CFAP20DC: variants seen among roughly 807,000 people sequenced by gnomAD.
CFAP20DC encodes protein CFAP20DC.
Under a neutral mutation model 101.7 loss-of-function variants are expected in CFAP20DC, and 84 were observed. That is an observed-to-expected ratio of 0.83 (90% CI 0.69 to 0.99). The LOEUF (loss-of-function observed/expected upper bound fraction) is 0.99. Among genes scored for constraint, CFAP20DC ranks in the 50% least tolerant of loss-of-function variants. CFAP20DC has a pLI of 0.00. For missense variants in CFAP20DC, 1,007 were observed against 970.3 expected, an observed-to-expected ratio of 1.04 and a Z score of -0.50; for synonymous variants, 359 against 351.2, an observed-to-expected ratio of 1.02 and a Z score of -0.25.
chr3:58,878,880 C>T (rs1254272079), intron 7 of CFAP20DC, among the ~76,000 whole-genome samples: 1 of 152,054 alleles, frequency 6.6e-6, no homozygotes, highest in Non-Finnish European at 1.5e-5. Context: ...TGGTGGTGGG[C>T]ACCTGTAGTC....
At chr3:58,845,202 CA>C (rs1199346085) in intron 13 of CFAP20DC, among the ~76,000 whole-genome samples, 5 of 150,226 alleles carry the variant, frequency 3.3e-5, no homozygotes, top group Admixed American at 2.0e-4. Context: ...AAAAACCCTT[CA>C]AAAAATTAAT....
chr3:58,826,176 A>G (rs1441921141), intron 14 of CFAP20DC, among the ~76,000 whole-genome samples: 5 of 152,186 alleles, frequency 3.3e-5, no homozygotes, highest in Non-Finnish European at 7.3e-5. Context: ...CTTTGGGTGT[A>G]TATTTAATAT....
chr3:58,939,624 A>G lies in CFAP20DC; in HGVS notation c.279-1862T>C, dbSNP rs1433349308. 2.0e-5 allele frequency among the ~76,000 whole-genome samples: 3 copies of G among 151,600 alleles called. No homozygotes were observed. In the South Asian group the frequency reaches 6.3e-4, roughly 32 times the overall value. ...CAGGCACCCGCCACCATGCCTGGCTAATTTTTCGTATTTTTAGTAGAGACA... is the reference window on the plus strand; with the variant it reads ...CAGGCACCCGCCACCATGCCTGGCTGATTTTTCGTATTTTTAGTAGAGACA... On this transcript the variant is annotated intron_variant, in intron 4 of 16. Transcript: ENST00000482387.
At chr3:58,953,226 G>T (rs1475276255) in intron 4 of CFAP20DC, among the ~76,000 whole-genome samples, 1 of 152,120 alleles carries the variant, frequency 6.6e-6, no homozygotes. Flanking sequence ...AAAGCCAAAA[G>T]AAAGATTCAC....
At chr3:58,785,016 T>C (rs1476087310) in intron 15 of CFAP20DC, among the ~76,000 whole-genome samples, 1 of 152,078 alleles carries the variant, frequency 6.6e-6, no homozygotes, top group Non-Finnish European at 1.5e-5. Flanking sequence ...ATAGCAAAGA[T>C]AAGGAATCAA....
At chr3:58,932,318 G>A (rs1197569682) in intron 5 of CFAP20DC, among the ~76,000 whole-genome samples, 2 of 152,184 alleles carry the variant, frequency 1.3e-5, no homozygotes, top group African/African-American at 4.8e-5. Flanking sequence ...GAAAGTGATG[G>A]GGAGAATGGA....
rs139101444 is a variant in CFAP20DC, at chr3:59,035,366, G to C, written c.278+4191C>G. On this transcript the variant is annotated intron_variant, in intron 4 of 16. Transcript: ENST00000482387. ...TCAGAGCAGAACTGAAGGAGATAGAGACATGAAGAACCCTTCAAAAAACCA... is the reference window on the plus strand; with the variant it reads ...TCAGAGCAGAACTGAAGGAGATAGACACATGAAGAACCCTTCAAAAAACCA... Among the ~76,000 whole-genome samples the C allele has an allele frequency of 2.7e-3, 413 of 152,218 alleles. 2 individuals are homozygous for C. Among genetic ancestry groups the C allele is most frequent in the Middle Eastern group, 0.024 (7 of 294 alleles).
At chr3:58,777,735 ACTG>A (rs2071463118) in intron 15 of CFAP20DC, among the ~76,000 whole-genome samples, 1 of 152,090 alleles carries the variant, frequency 6.6e-6, no homozygotes, top group Non-Finnish European at 1.5e-5. Flanking sequence ...GGAGGCCCCT[ACTG>A]GTCCATAATC....
rs1259573823 is a variant in CFAP20DC at position 58,913,752 on chromosome 3, A to C, written c.506T>G (p.Ile169Ser). 6.2e-7 allele frequency: 1 copy of C among 1,613,642 alleles called. No individual in the cohort carries two copies. Among genetic ancestry groups the C allele is most frequent in the Non-Finnish European group, 8.5e-7 (1 of 1,179,822 alleles). Residue 169 changes from isoleucine to serine, a missense_variant, in exon 6 of 17, where the codon ATC becomes AGC. By Grantham distance (142) the Ile-to-Ser change is moderately radical (BLOSUM62 -2). Transcript: ENST00000482387. This position sits in a 1 kb window ranked among gnomAD's most constrained non-coding sequence, Gnocchi z 4.4. ...VVSANCKLRK[I>S]FTLKSKPQDT... The stretch of plus-strand genomic sequence containing the variant: ...TTGTGGCTTTGATTTTAAGGTGAAG[A>C]TCTTCCGTAGCTTACAGTTAGCTGA...
Position 58,939,687 on chromosome 3 carries a change from T to G in CFAP20DC, c.279-1925A>C, listed in dbSNP as rs2088234199. ...GTTAGTCAGGATGGTCTCAATCTCC[T>G]GACCTCGTGATCCGCCTGCCTCGCC... On this transcript the variant is annotated intron_variant, in intron 4 of 16. Coordinates refer to ENST00000482387, the MANE Select transcript of CFAP20DC (RefSeq NM_001394063.1). Among the ~76,000 whole-genome samples the G allele has an allele frequency of 1.3e-5, 2 of 151,502 alleles. 1 individual carries two copies. The highest frequency in any genetic ancestry group is 1.3e-4 in the Admixed American group (2 of 15,198).
intron 4 of CFAP20DC, among the ~76,000 whole-genome samples, chr3:58,976,559 A>G (rs1346781901): frequency 6.6e-6 from 1 of 152,194 alleles, no homozygotes; most frequent in Non-Finnish European, 1.5e-5. Flanking sequence ...TGCCACTTAC[A>G]CTATTTGCAA....
At chr3:58,871,045 G>C (rs1046903508) in intron 7 of CFAP20DC, among the ~76,000 whole-genome samples, 1 of 151,212 alleles carries the variant, frequency 6.6e-6, no homozygotes, top group African/African-American at 2.4e-5. Context: ...GCATTTCCTA[G>C]AGGCCGTCAG....
In CFAP20DC at chr3:58,892,074, A is replaced by G. The variant is rs1456105433; in HGVS notation, c.551-7365T>C. Among the ~76,000 whole-genome samples, 1 of 152,246 alleles carries G rather than the reference A, an allele frequency of 6.6e-6. No homozygotes were observed. The highest frequency in any genetic ancestry group is 1.5e-5 in the Non-Finnish European group (1 of 68,040). ...ATGGCTAACCAGTTATCCCAGCATC[A>G]TTTATTGAACAGGGAGTATTTTCCC... is the stretch of plus-strand genomic sequence containing the variant. On this transcript the variant is annotated intron_variant, in intron 6 of 16. Coordinates refer to ENST00000482387, the MANE Select transcript of CFAP20DC (RefSeq NM_001394063.1). The surrounding 1 kb of genome is among the most constrained non-coding windows in gnomAD (Gnocchi z 4.0).
intron 14 of CFAP20DC, among the ~76,000 whole-genome samples, chr3:58,807,350 G>T (rs566453806): frequency 6.6e-6 from 1 of 152,266 alleles, no homozygotes; most frequent in Non-Finnish European, 1.5e-5. Context: ...ACACGGGCGG[G>T]TACTCCTCTG....
intron 3 of CFAP20DC, chr3:58,734,497 T>C (rs1204740549): frequency 4.4e-6 from 2 of 454,986 alleles, no homozygotes; most frequent in Admixed American, 2.4e-5. Flanking sequence ...TTTTCTTCGG[T>C]GGTCCATTTG....
In CFAP20DC at chr3:59,007,168, C is replaced by T. The variant is rs1168790029; in HGVS notation, c.278+32389G>A. Among the ~76,000 whole-genome samples, 3 of 152,136 alleles carry T rather than the reference C, an allele frequency of 2.0e-5. No individual in the cohort carries two copies. In the East Asian group the frequency reaches 5.8e-4, roughly 29 times the overall value. The stretch of plus-strand genomic sequence containing the variant: ...GGCCTGAGAACCACCCCCAACTCCC[C>T]AACAGTGGCTGTGGCAAGCCCCGCC... On this transcript the variant is annotated intron_variant, in intron 4 of 16. Coordinates refer to ENST00000482387, the MANE Select transcript of CFAP20DC (RefSeq NM_001394063.1). This position sits in a 1 kb window ranked among gnomAD's most constrained non-coding sequence, Gnocchi z 4.4.
Position 58,936,554 on chromosome 3 carries a change from A to G in CFAP20DC, c.393+1094T>C, listed in dbSNP as rs556025590. On this transcript the variant is annotated intron_variant, in intron 5 of 16. Transcript: ENST00000482387. ...GTCCAACAATGATAGACTGGATTAAAAAAATGTGGCACATATACACCATGG... is the reference window on the plus strand; with the variant it reads ...GTCCAACAATGATAGACTGGATTAAGAAAATGTGGCACATATACACCATGG... Among the ~76,000 whole-genome samples the G allele has an allele frequency of 7.5e-3, 1,146 of 152,302 alleles. 19 individuals are homozygous for G. The highest frequency in any genetic ancestry group is 0.026 in the African/African-American group (1,088 of 41,560).
chr3:58,830,042 C>CT lies in CFAP20DC; in HGVS notation c.2175+1643dup, dbSNP rs550790539. On this transcript the variant is annotated intron_variant, in intron 14 of 16. Coordinates refer to ENST00000482387, the MANE Select transcript of CFAP20DC (RefSeq NM_001394063.1). ...ATCTTAGCTTGGCTACAAGAATACT[C>CT]TAACCAGAGTAACCAGAAGTCAGAT... Among the ~76,000 whole-genome samples, 78 of 152,300 alleles carry CT rather than the reference C, an allele frequency of 5.1e-4. 1 individual carries two copies. The highest frequency in any genetic ancestry group is 1.8e-3 in the African/African-American group (76 of 41,562).
At position 58,897,203 on chromosome 3, in the gene CFAP20DC, C is replaced by G. The variant is rs1356304805; in HGVS notation, c.551-12494G>C. Among the ~76,000 whole-genome samples the G allele has an allele frequency of 6.6e-6, 1 of 151,972 alleles. No individual in the cohort carries two copies. Among genetic ancestry groups the G allele is most frequent in the Non-Finnish European group, 1.5e-5 (1 of 67,988 alleles). ...ATTTGTCAGAAACTAGGATTGCAAC[C>G]CCTGCTTTTTTCTGTTTTCCATTTG... On this transcript the variant is annotated intron_variant, in intron 6 of 16. Transcript: ENST00000482387. The surrounding 1 kb of genome is among the most constrained non-coding windows in gnomAD (Gnocchi z 4.4).
Sources: gnomAD v4.1 joint callset for allele counts (sites outside exome capture counted in the v4.1 genomes callset) on GRCh38, gnomAD v4.1.1 for gene constraint, Gnocchi (gnomAD v3.1) non-coding constraint, MANE v1.5 for transcripts, NCBI Gene and HGNC (gene_info 2026-07-23, HGNC 2026-07-21) for gene names.